The following MMS19 variants were observed in gnomAD, a reference collection of about 807,000 sequenced individuals.
MMS19 encodes MMS19 nucleotide excision repair protein homolog.
Under a neutral mutation model 129.8 loss-of-function variants are expected in MMS19, and 77 were observed. The ratio of observed to expected loss-of-function variants is 0.59; its 90% CI spans 0.49 to 0.72. The LOEUF is 0.72. MMS19 is among the 30% of genes least tolerant of loss of function. The pLI is 0.00. For missense variants in MMS19, 1,168 were observed against 1,266.3 expected (o/e 0.92, Z 1.18); for synonymous variants, 491 against 502.8 (o/e 0.98, Z 0.31).
In MMS19 at chr10:97,459,519, G is replaced by C. The variant is rs768616424; in HGVS notation, c.2747C>G (p.Ser916Cys). The C allele has an allele frequency of 5.0e-6, 8 of 1,612,352 alleles. No homozygotes were observed. In the Admixed American group the frequency reaches 1.2e-4, roughly 24 times the overall value. ...VLLPELPTLL[S>C]LLLEALSCPD... is the part of the protein sequence containing the mutation. ...GCAGGACAGGGCCTCCAGCAGCAAG[G>C]AAAGAAGCTAAGGGGCAATGGGCAA... The change falls in exon 28 of 31, where the codon TCC (serine) becomes TGC (cysteine). Residue 916 changes from serine (S) to cysteine (C), a missense_variant. By Grantham distance (112) the Ser-to-Cys change is moderately radical (BLOSUM62 -1). Transcript: ENST00000438925.
chr10:97,483,688 C>T (rs1031605203), intron 2 of MMS19, among the ~76,000 whole-genome samples: 3 of 152,228 alleles, frequency 2.0e-5, no homozygotes, highest in African/African-American at 4.8e-5. Context: ...GGATCTGCAG[C>T]AGGGTCAGCC....
At chr10:97,467,057 C>G (rs1290458249) in intron 14 of MMS19, among the ~76,000 whole-genome samples, 156 bp from the exon 15 acceptor site, 1 of 152,196 alleles carries the variant, frequency 6.6e-6, no homozygotes, top group Non-Finnish European at 1.5e-5. Flanking sequence ...CGGATCACTG[C>G]AGCCTCTGCC....
intron 6 of MMS19, 140 bp from the exon 7 acceptor site, chr10:97,477,103 C>G: frequency 6.6e-7 from 1 of 1,517,176 alleles, no homozygotes; most frequent in Non-Finnish European, 8.8e-7. Flanking sequence ...CAAGAAAGTA[C>G]TCAGTGAAGA....
intron 1 of MMS19, among the ~76,000 whole-genome samples, chr10:97,489,569 A>T (rs923447655): frequency 2.0e-5 from 3 of 152,248 alleles, no homozygotes; most frequent in Admixed American, 6.5e-5. Context: ...GCACTGATAC[A>T]CACTATTAAC....
intron 8 of MMS19, among the ~76,000 whole-genome samples, chr10:97,474,745 T>G (rs1257239067): frequency 2.0e-5 from 3 of 152,202 alleles, no homozygotes; most frequent in African/African-American, 7.2e-5. Flanking sequence ...GAGAGAAATC[T>G]TCCTAATATT....
intron 1 of MMS19, among the ~76,000 whole-genome samples, chr10:97,485,191 T>G (rs1009168744): frequency 5.9e-5 from 9 of 151,830 alleles, no homozygotes; most frequent in Non-Finnish European, 1.3e-4. Flanking sequence ...TGCAATGGTG[T>G]GATCTCGGCT....
At chr10:97,471,980 A>G (rs1023422807) in intron 8 of MMS19, among the ~76,000 whole-genome samples, 3 of 152,234 alleles carry the variant, frequency 2.0e-5, no homozygotes, top group African/African-American at 7.2e-5. Context: ...GAAAAGAGAG[A>G]GGAAGAAATC....
Position 97,470,271 on chromosome 10 carries a change from G to C in MMS19, c.772-68C>G, listed in dbSNP as rs532449839. On this transcript the variant is annotated intron_variant, in intron 9 of 30. Coordinates refer to ENST00000438925, the MANE Select transcript of MMS19 (RefSeq NM_022362.5). ...TGTCAGTCACATCAAGGTCAACCCT[G>C]TCCTTGCCATCAGTCCCTAAAAGCA... is the stretch of plus-strand genomic sequence containing the variant. 44 of 1,106,818 alleles carry C rather than the reference G, an allele frequency of 4.0e-5. No individual in the cohort carries two copies. In the African/African-American group the frequency reaches 6.6e-4, roughly 17 times the overall value. The allele number at this position is 1,106,818 out of a possible 1,614,324, so 68.6% of individuals were successfully genotyped here.
intron 25 of MMS19, 103 bp from the exon 26 acceptor site, chr10:97,460,335 A>T: frequency 8.9e-7 from 1 of 1,124,126 alleles, no homozygotes; most frequent in Middle Eastern, 2.4e-4. Context: ...TAATCCTAGC[A>T]CTTTGGGAGG....
At position 97,458,816 on chromosome 10, in the gene MMS19, A is replaced by C; in HGVS notation, c.3049T>G (p.Ser1017Ala). 2 of 1,613,994 alleles carry C rather than the reference A, an allele frequency of 1.2e-6. No homozygotes were observed. Among genetic ancestry groups the C allele is most frequent in the Non-Finnish European group, 1.7e-6 (2 of 1,179,886 alleles). Reference protein sequence around the residue: ...KKRLVRKEAVSARGEWFLLGS... With the variant: ...KKRLVRKEAVAARGEWFLLGS... ...GAAACTCACCACTCCCCTCTGGCTG[A>C]CACTGCTTCCTTGCGCACCAGTCTC... The change falls in exon 30 of 31, where the codon TCA becomes GCA. Residue 1017 changes from serine (S) to alanine (A), a missense_variant. Physicochemically the swap from Ser to Ala is moderately conservative, Grantham distance 99. Coordinates refer to ENST00000438925, the MANE Select transcript of MMS19 (RefSeq NM_022362.5).
At chr10:97,475,361 T>C (rs1028105147) in intron 8 of MMS19, among the ~76,000 whole-genome samples, 5 of 152,204 alleles carry the variant, frequency 3.3e-5, no homozygotes, top group African/African-American at 1.2e-4. Context: ...GAAAAAAAGA[T>C]GGTAGGGAGA....
Position 97,459,172 on chromosome 10 carries a change from T to C in MMS19, c.2964+51A>G, listed in dbSNP as rs571904470. ...CCTGACTAAGGCAAAAAGGTACTTATGTGTCTCTTGAGATGTTCCCAGGCC... is the reference window on the plus strand; with the variant it reads ...CCTGACTAAGGCAAAAAGGTACTTACGTGTCTCTTGAGATGTTCCCAGGCC... On this transcript the variant is annotated intron_variant, in intron 29 of 30. Coordinates refer to ENST00000438925, the MANE Select transcript of MMS19 (RefSeq NM_022362.5). 30 of 1,563,066 alleles carry C rather than the reference T, an allele frequency of 1.9e-5. No individual in the cohort carries two copies. Among genetic ancestry groups the C allele is most frequent in the African/African-American group, 6.8e-5 (5 of 73,744 alleles).
At chr10:97,490,344 T>C (rs1010847780) in intron 1 of MMS19, among the ~76,000 whole-genome samples, 2 of 152,176 alleles carry the variant, frequency 1.3e-5, no homozygotes, top group African/African-American at 4.8e-5. Context: ...CCTCTCAAAG[T>C]GCTGGGACTA....
chr10:97,458,733 G>C lies in MMS19; in HGVS notation c.3066-14C>G. On this transcript the variant is annotated splice_polypyrimidine_tract_variant and intron_variant, in intron 30 of 30. Coordinates refer to ENST00000438925, the MANE Select transcript of MMS19 (RefSeq NM_022362.5). Reference sequence around the variant, plus strand: ...CCCAACAGAAACCTGTAGGCAAAAAGAAAGTTGGCAGCATTAGTGATGAGG... The same window carrying C: ...CCCAACAGAAACCTGTAGGCAAAAACAAAGTTGGCAGCATTAGTGATGAGG... The C allele has an allele frequency of 2.5e-6, 4 of 1,612,062 alleles. No homozygotes were observed. Among genetic ancestry groups the C allele is most frequent in the South Asian group, 1.1e-5 (1 of 90,706 alleles).
chr10:97,484,061 A>G, intron 2 of MMS19, 42 bp downstream of exon 2: 1 of 1,343,626 alleles, frequency 7.4e-7, no homozygotes. Context: ...CAGAATACAC[A>G]GTCAGGGTTG....
Position 97,461,703 on chromosome 10 carries a change from G to A in MMS19, c.2185-81C>T, listed in dbSNP as rs1009407090. On this transcript the variant is annotated intron_variant, in intron 22 of 30. Coordinates refer to ENST00000438925, the MANE Select transcript of MMS19 (RefSeq NM_022362.5). ...CCAGTACATAGTGGCAGCAGGGACC[G>A]GGACGGATGAGAACTAACTTCTCTG... The A allele has an allele frequency of 5.2e-5, 81 of 1,554,258 alleles. No individual in the cohort carries two copies. The Middle Eastern group carries it at 5.4e-4, about 10-fold the overall frequency.
Position 97,480,929 on chromosome 10 carries a change from G to C in MMS19, c.262+13C>G, listed in dbSNP as rs1239887107. On this transcript the variant is annotated intron_variant, in intron 3 of 30. Transcript: ENST00000438925. ...GCAATCCAGGAAGACATTCCTATTA[G>C]TGACACCAGTACCTTCCTTCTCCAG... The C allele has an allele frequency of 3.2e-6, 5 of 1,565,994 alleles. No individual in the cohort carries two copies. The highest frequency in any genetic ancestry group is 4.4e-6 in the Non-Finnish European group (5 of 1,143,852).
In MMS19 at chr10:97,460,711, G is replaced by C. The variant is rs148484891; in HGVS notation, c.2453C>G (p.Ser818Cys). Reference sequence around the variant, plus strand: ...AGGACGTACCCGGGCTGTAAGGCAGGAGCTGAGAGGATGGTATCTGAGCAC... The same window carrying C: ...AGGACGTACCCGGGCTGTAAGGCAGCAGCTGAGAGGATGGTATCTGAGCAC... ...ALVLRYHPLSSCLTARLMGLL... is the reference protein window; with the variant it reads ...ALVLRYHPLSCCLTARLMGLL... Residue 818 changes from serine (S) to cysteine (C), a missense_variant, in exon 25 of 31, where the codon TCC (serine) becomes TGC (cysteine). By Grantham distance (112) the Ser-to-Cys change is moderately radical. Transcript: ENST00000438925. 8.8e-6 allele frequency: 14 copies of C among 1,597,330 alleles called. No individual in the cohort carries two copies. Among genetic ancestry groups the C allele is most frequent in the Non-Finnish European group, 1.2e-5 (14 of 1,171,490 alleles).
intron 2 of MMS19, among the ~76,000 whole-genome samples, chr10:97,482,274 G>A (rs1431097690): frequency 6.6e-6 from 1 of 152,190 alleles, no homozygotes; most frequent in Non-Finnish European, 1.5e-5. Flanking sequence ...TAGCCAAAAA[G>A]TGGAAACAAT....
Sources: gnomAD v4.1 joint callset for allele counts (sites outside exome capture counted in the v4.1 genomes callset) on GRCh38, gnomAD v4.1.1 for gene constraint, MANE v1.5 for transcripts, NCBI Gene and HGNC (gene_info 2026-07-23, HGNC 2026-07-21) for gene names.